Variants in MMS22L observed in about 807,000 individuals in gnomAD.
The protein encoded by MMS22L is MMS22 like, DNA repair protein, also known as protein MMS22-like.
A neutral mutation model predicts 159.1 loss-of-function variants in MMS22L; 74 were observed. That is an observed-to-expected ratio of 0.47 (90% CI 0.39 to 0.56). MMS22L has a LOEUF of 0.56. MMS22L is among the 20% of genes least tolerant of loss of function. The probability of loss-of-function intolerance (pLI) is 0.00; values close to 1 mark genes in which losing one functional copy is unlikely to be tolerated. For synonymous variants in MMS22L, 517 were observed against 506.9 expected (o/e 1.02, Z -0.27); for missense variants, 1,351 against 1,422.1 (o/e 0.95, Z 0.80).
chr6:97,214,699 T>TTC (rs1808792949), intron 14 of MMS22L, among the ~76,000 whole-genome samples: 1 of 150,772 alleles, frequency 6.6e-6, no homozygotes, highest in African/African-American at 2.4e-5. Flanking sequence ...TTTTTTTTTT[T>TTC]TCAAATCATT....
rs143381168 is a variant in MMS22L at position 97,251,162 on chromosome 6, A to G, written c.1119+3395T>C. Among the ~76,000 whole-genome samples the G allele has an allele frequency of 1.9e-4, 29 of 152,300 alleles. No individual in the cohort carries two copies. The East Asian group carries it at 4.1e-3, about 21-fold the overall frequency. On this transcript the variant is annotated intron_variant, in intron 10 of 24. Coordinates refer to ENST00000683635, the MANE Select transcript of MMS22L (RefSeq NM_001350599.2). ...TTAGGATGAATAGATAATAAGGTATAAAGTGGGACTGTCTGTACCTGGCAA... is the reference window on the plus strand; with the variant it reads ...TTAGGATGAATAGATAATAAGGTATGAAGTGGGACTGTCTGTACCTGGCAA...
At chr6:97,227,965 G>C (rs1371343568) in intron 14 of MMS22L, among the ~76,000 whole-genome samples, 1 of 152,224 alleles carries the variant, frequency 6.6e-6, no homozygotes, top group Admixed American at 6.5e-5. Context: ...AGTAAGTTTT[G>C]TATAGGTGAT....
intron 4 of MMS22L, among the ~76,000 whole-genome samples, chr6:97,275,586 A>C (rs1816171549): frequency 6.6e-6 from 1 of 152,238 alleles, no homozygotes; most frequent in Non-Finnish European, 1.5e-5. Context: ...CCATATATTC[A>C]AGATGGATGA....
chr6:97,199,752 T>C (rs1193044214), intron 14 of MMS22L, among the ~76,000 whole-genome samples: 4 of 151,930 alleles, frequency 2.6e-5, no homozygotes, highest in African/African-American at 4.8e-5. Flanking sequence ...AGTCAAAAAG[T>C]ACCTAGGGAT....
rs987908762 is a variant in MMS22L, at chr6:97,191,248, T to A, written c.2040-4558A>T. ...AACTTCTACCTGCCAGTCTGGTCTC[T>A]CAGTTTCTGCTCCTCCCTAGTAACT... On this transcript the variant is annotated intron_variant, in intron 14 of 24. Transcript: ENST00000683635. 5.2e-3 allele frequency among the ~76,000 whole-genome samples: 797 copies of A among 152,286 alleles called. 7 individuals carry two copies. The highest frequency in any genetic ancestry group is 0.018 in the African/African-American group (743 of 41,564).
chr6:97,238,499 T>C (rs1190149279), intron 11 of MMS22L, among the ~76,000 whole-genome samples: 2 of 151,958 alleles, frequency 1.3e-5, no homozygotes, highest in Non-Finnish European at 2.9e-5. Context: ...GCCTTAAACC[T>C]GACTGGCTCA....
At chr6:97,274,892 A>G (rs896676977) in intron 4 of MMS22L, among the ~76,000 whole-genome samples, 1 of 152,162 alleles carries the variant, frequency 6.6e-6, no homozygotes, top group African/African-American at 2.4e-5. Flanking sequence ...ACCAGCAAGC[A>G]TGAAAAAAAA....
At chr6:97,244,775 T>C (rs545397408) in intron 11 of MMS22L, among the ~76,000 whole-genome samples, 18 of 152,260 alleles carry the variant, frequency 1.2e-4, no homozygotes, top group African/African-American at 4.3e-4. Context: ...ATATTAGTTC[T>C]GTCCCTCTAG....
intron 14 of MMS22L, among the ~76,000 whole-genome samples, chr6:97,224,243 A>G (rs1027432838): frequency 3.3e-5 from 5 of 152,168 alleles, no homozygotes; most frequent in African/African-American, 1.2e-4. Flanking sequence ...TTCACTTTAT[A>G]TAATTGTCAT....
At chr6:97,273,191 G>T in intron 4 of MMS22L, 129 bp from the exon 5 acceptor site, 1 of 746,496 alleles carries the variant, frequency 1.3e-6, no homozygotes, top group Non-Finnish European at 2.2e-6. Flanking sequence ...TTCTCTTATG[G>T]TTCTTGCTCC....
chr6:97,247,608 C>G (rs1271572783), intron 10 of MMS22L, among the ~76,000 whole-genome samples: 2 of 152,030 alleles, frequency 1.3e-5, no homozygotes, highest in Non-Finnish European at 2.9e-5. Context: ...ATCCCAGCTA[C>G]CCGGGAGGCT....
At chr6:97,261,508 GT>G (rs1335904025) in intron 9 of MMS22L, 30 of 151,976 alleles carry the variant, frequency 2.0e-4, no homozygotes, top group Admixed American at 1.4e-3. Context: ...ATTTTCTCTA[GT>G]TTATCATGTA....
Position 97,202,136 on chromosome 6 carries a change from A to G in MMS22L, c.2040-15446T>C, listed in dbSNP as rs964047207. Among the ~76,000 whole-genome samples the G allele has an allele frequency of 2.6e-4, 40 of 152,200 alleles. 1 individual carries two copies. Among genetic ancestry groups the G allele is most frequent in the African/African-American group, 9.4e-4 (39 of 41,454 alleles). On this transcript the variant is annotated intron_variant, in intron 14 of 24. Coordinates refer to ENST00000683635, the MANE Select transcript of MMS22L (RefSeq NM_001350599.2). ...TTAACACAGATGACAATATTTACAT[A>G]TATTTTGCTGTGTACTAAACAACTG...
At chr6:97,150,728 AT>A (rs934780752) in intron 23 of MMS22L, among the ~76,000 whole-genome samples, 2 of 152,172 alleles carry the variant, frequency 1.3e-5, no homozygotes, top group Non-Finnish European at 2.9e-5. Context: ...ACAGGCACTA[AT>A]TATGTGATGA....
chr6:97,179,261 T>C, intron 17 of MMS22L, 147 bp downstream of exon 17: 1 of 610,156 alleles, frequency 1.6e-6, no homozygotes. Context: ...GGAAACAGGC[T>C]ACAAAAGGAA....
intron 21 of MMS22L, 29 bp downstream of exon 21, chr6:97,165,217 T>C (rs1316920406): frequency 3.2e-6 from 5 of 1,583,082 alleles, no homozygotes; most frequent in African/African-American, 2.7e-5. Flanking sequence ...AATTTGTACA[T>C]ACCACCTATA....
chr6:97,250,262 G>A (rs1422685687), intron 10 of MMS22L, among the ~76,000 whole-genome samples: 2 of 152,186 alleles, frequency 1.3e-5, no homozygotes, highest in East Asian at 3.9e-4. Context: ...TTAAACGTTA[G>A]TATAGGTAGG....
intron 15 of MMS22L, among the ~76,000 whole-genome samples, chr6:97,184,356 T>A (rs139985475): frequency 6.6e-6 from 1 of 152,258 alleles, no homozygotes; most frequent in East Asian, 1.9e-4. Context: ...GGTGATCTCA[T>A]CCAGTTTCAT....
intron 15 of MMS22L, among the ~76,000 whole-genome samples, chr6:97,185,685 T>C (rs1435488187): frequency 6.6e-6 from 1 of 152,160 alleles, no homozygotes; most frequent in African/African-American, 2.4e-5. Flanking sequence ...TTTAAATCAT[T>C]AGTCTTTTAC....
Sources: gnomAD v4.1 joint callset for allele counts (sites outside exome capture counted in the v4.1 genomes callset) on GRCh38, gnomAD v4.1.1 for gene constraint, MANE v1.5 for transcripts, NCBI Gene and HGNC (gene_info 2026-07-23, HGNC 2026-07-21) for gene names.